ADA2: variants seen among roughly 807,000 people sequenced by gnomAD.
ADA2 encodes adenosine deaminase 2, also known as adenosine deaminase CECR1.
ADA2 carries 29 observed loss-of-function variants against 44.2 expected under a neutral mutation model. The observed-to-expected ratio is 0.66, with a 90% CI of 0.49 to 0.89. The LOEUF (loss-of-function observed/expected upper bound fraction) is 0.89. Among genes scored for constraint, ADA2 ranks in the 40% least tolerant of loss-of-function variants. The pLI, the probability that ADA2 is intolerant of heterozygous loss-of-function variation, is 0.00. For synonymous variants in ADA2, 215 were observed against 234.9 expected (o/e 0.92, Z 0.77); for missense variants, 637 against 644.8 (o/e 0.99, Z 0.13).
intron 4 of ADA2, chr22:17,193,357 GCAAAAAAAAAAAAAAA>G (rs1188697973): frequency 2.1e-4 from 10 of 47,734 alleles, no homozygotes; most frequent in South Asian, 3.5e-4. Flanking sequence ...CGTAAAAACT[GCAAAAAAAAAAAAAAA>G]AAAAAAAAAA....
At chr22:17,216,758 CAA>C (rs869276201) in intron 1 of ADA2, among the ~76,000 whole-genome samples, 15 of 139,294 alleles carry the variant, frequency 1.1e-4, no homozygotes, top group African/African-American at 2.7e-4. Context: ...GACTCCACCT[CAA>C]AAAAAAAAAA....
At chr22:17,208,423 CAAAAAAAAAAAGAAAAAAAAAGAA>C (rs947465160) in intron 2 of ADA2, among the ~76,000 whole-genome samples, 1 of 69,600 alleles carries the variant, frequency 1.4e-5, no homozygotes, top group African/African-American at 5.6e-5. Flanking sequence ...GACTCCGTCT[CAAAAAAAAAAAGAAAAAAAAAGAA>C]AAAAAAAAAA....
rs1166023413 is a variant in ADA2, at chr22:17,182,649, G to A, written c.1194C>T (p.Ser398=). 6.2e-7 allele frequency: 1 copy of A among 1,614,178 alleles called. No individual in the cohort carries two copies. ...LSKHPAVRTY[S]WKKDIPIEVC... is the part of the protein sequence containing the mutation. ...CTTCTATGGGGATGTCCTTTTTCCAGGAGTAAGTCCTGACTGCGGGGTGTT... is the reference window on the plus strand; with the variant it reads ...CTTCTATGGGGATGTCCTTTTTCCAAGAGTAAGTCCTGACTGCGGGGTGTT... The change falls in exon 8 of 10, where the codon TCC becomes TCT. Residue 398 remains serine (S), a synonymous_variant. Transcript: ENST00000399837.
intron 7 of ADA2, among the ~76,000 whole-genome samples, chr22:17,187,002 TA>T (rs1430346551): frequency 6.6e-6 from 1 of 151,462 alleles, no homozygotes; most frequent in Non-Finnish European, 1.5e-5. Context: ...TCGTCTCTAC[TA>T]AAAATACAAA....
chr22:17,214,156 T>G, intron 1 of ADA2: 1 of 705,050 alleles, frequency 1.4e-6, no homozygotes, highest in Non-Finnish European at 2.5e-6. Context: ...CTGGACGAAA[T>G]AGCCGCCTGC....
Position 17,208,974 on chromosome 22 carries a change from G to A in ADA2, c.322+382C>T, listed in dbSNP as rs187751037. Among the ~76,000 whole-genome samples the A allele has an allele frequency of 5.5e-4, 84 of 152,048 alleles. 1 individual carries two copies. The East Asian group carries it at 5.8e-3, about 11-fold the overall frequency. ...CTCCAGAGTAGCTCGGATTACAGGT[G>A]CACCACCACCCCTGGCTATTTATAT... On this transcript the variant is annotated intron_variant, in intron 2 of 9. Coordinates refer to ENST00000399837, the MANE Select transcript of ADA2 (RefSeq NM_001282225.2).
At chr22:17,182,101 C>G (rs2061977742) in intron 8 of ADA2, 79 bp from the exon 9 acceptor site, 3 of 1,123,954 alleles carry the variant, frequency 2.7e-6, no homozygotes, top group Non-Finnish European at 3.9e-6. Context: ...AGACCTTGAG[C>G]CCCATCAGCT....
chr22:17,200,479 T>A (rs941943928), intron 4 of ADA2, among the ~76,000 whole-genome samples: 2 of 152,150 alleles, frequency 1.3e-5, no homozygotes, highest in African/African-American at 2.4e-5. Context: ...AATATAACTC[T>A]GCACTCAGAG....
intron 1 of ADA2, among the ~76,000 whole-genome samples, chr22:17,215,366 C>T (rs1044074564): frequency 7.8e-4 from 119 of 151,896 alleles, no homozygotes; most frequent in Admixed American, 3.3e-3. Context: ...TTTGGGAGGC[C>T]GAGGCAGGAG....
At chr22:17,210,433 G>A (rs1161960868) in intron 1 of ADA2, among the ~76,000 whole-genome samples, 2 of 151,496 alleles carry the variant, frequency 1.3e-5, no homozygotes, top group African/African-American at 4.8e-5. Flanking sequence ...CAGGTGATCC[G>A]CCAGCCTCAG....
intron 7 of ADA2, among the ~76,000 whole-genome samples, chr22:17,185,390 T>G (rs9306252): frequency 0.88 from 132,911 of 151,658 alleles, 58,345 homozygotes; most frequent in East Asian, 0.92. Flanking sequence ...CACTCCAGCC[T>G]GGGGACAGAG....
At chr22:17,199,443 C>CCCAACCACCCCA in intron 4 of ADA2, 1 of 1,094,332 alleles carries the variant, frequency 9.1e-7, no homozygotes, top group Non-Finnish European at 1.4e-6. Flanking sequence ...TATCCTCTTC[C>CCCAACCACCCCA]CCTCCACCCA....
intron 3 of ADA2, 43 bp from the exon 4 acceptor site, chr22:17,203,816 G>A: frequency 7.1e-7 from 1 of 1,409,508 alleles, no homozygotes; most frequent in East Asian, 2.3e-5. Context: ...GCATGATCCA[G>A]GACACTGCCC....
chr22:17,210,656 GA>G (rs1218199755), intron 1 of ADA2, among the ~76,000 whole-genome samples: 2 of 151,804 alleles, frequency 1.3e-5, no homozygotes, highest in Non-Finnish European at 2.9e-5. Context: ...GGACTGCAGT[GA>G]CGTGATCTTG....
chr22:17,199,766 G>A (rs80063454), intron 4 of ADA2: 64,138 of 1,444,578 alleles, frequency 0.044, 1,596 homozygotes, highest in East Asian at 0.095. Context: ...GACCTTTCCA[G>A]GCTTTAGTTT....
At chr22:17,189,248 C>T (rs1299923217) in intron 6 of ADA2, among the ~76,000 whole-genome samples, 1 of 151,986 alleles carries the variant, frequency 6.6e-6, no homozygotes, top group African/African-American at 2.4e-5. Context: ...AACTTCAGAC[C>T]TCAGGTGATC....
chr22:17,217,610 A>G (rs1020897847), intron 1 of ADA2, among the ~76,000 whole-genome samples: 1 of 152,162 alleles, frequency 6.6e-6, no homozygotes, highest in Non-Finnish European at 1.5e-5. Context: ...ACTGGTGCCC[A>G]GGAGTTCGAT....
In ADA2 at chr22:17,188,868, A is replaced by AAAAAAAAAAAAAAAAAAAAAAAT; in HGVS notation, c.973-422_973-421insATTTTTTTTTTTTTTTTTTTTTT. 2.1e-3 allele frequency: 173 copies of AAAAAAAAAAAAAAAAAAAAAAAT among 81,068 alleles called. 6 individuals are homozygous for AAAAAAAAAAAAAAAAAAAAAAAT. Among genetic ancestry groups the AAAAAAAAAAAAAAAAAAAAAAAT allele is most frequent in the Non-Finnish European group, 3.4e-3 (124 of 36,768 alleles). The allele number at this position is 81,068 out of a possible 1,614,324, so 5.0% of individuals were successfully genotyped here. A position where few individuals can be genotyped will look rare whatever the true frequency, so the allele number is the denominator to read the frequency against. On this transcript the variant is annotated intron_variant, in intron 6 of 9. Coordinates refer to ENST00000399837, the MANE Select transcript of ADA2 (RefSeq NM_001282225.2). ...CACTACAGCCTGGCCAAGAGCAAAA[A>AAAAAAAAAAAAAAAAAAAAAAAT]ATATATATATATATATATTTTGTAA...
chr22:17,198,082 C>A (rs1568979910), intron 4 of ADA2, among the ~76,000 whole-genome samples: 1 of 152,058 alleles, frequency 6.6e-6, no homozygotes, highest in East Asian at 1.9e-4. Context: ...AGTACCCCTG[C>A]ATAATTAGTG....
Sources: gnomAD v4.1 joint callset for allele counts (sites outside exome capture counted in the v4.1 genomes callset) on GRCh38, gnomAD v4.1.1 for gene constraint, MANE v1.5 for transcripts, NCBI Gene and HGNC (gene_info 2026-07-23, HGNC 2026-07-21) for gene names.